The following CNTNAP2 variants were observed in gnomAD, a reference collection of about 807,000 sequenced individuals.
CNTNAP2 encodes contactin-associated protein-like 2.
CNTNAP2 carries 98 observed loss-of-function variants against 155.2 expected under a neutral mutation model. The ratio of observed to expected loss-of-function variants is 0.63; its 90% CI spans 0.54 to 0.75. The LOEUF (loss-of-function observed/expected upper bound fraction) is 0.75, where lower values mean the gene tolerates loss of function less well. Ranked by LOEUF, CNTNAP2 falls within the 30% of genes least tolerant of loss-of-function variation. The pLI is 0.00. For missense variants in CNTNAP2, 1,727 were observed against 1,688.1 expected (o/e 1.02, Z -0.40); for synonymous variants, 651 against 631.2 (o/e 1.03, Z -0.47).
At chr7:147,504,937 C>T (rs1044707944) in intron 11 of CNTNAP2, among the ~76,000 whole-genome samples, 4 of 151,966 alleles carry the variant, frequency 2.6e-5, no homozygotes, top group Non-Finnish European at 5.9e-5. Flanking sequence ...TGCACACACA[C>T]ATGCACACAC....
chr7:147,235,854 C>T (rs778223895), intron 8 of CNTNAP2, among the ~76,000 whole-genome samples: 6 of 152,206 alleles, frequency 3.9e-5, no homozygotes, highest in Non-Finnish European at 7.3e-5. Flanking sequence ...CGAGGGACTA[C>T]ATGCACATCT....
rs116332726 is a variant in CNTNAP2, at chr7:148,384,624, G to A, written c.3715+736G>A. Among the ~76,000 whole-genome samples the A allele has an allele frequency of 3.6e-3, 555 of 152,256 alleles. 1 individual carries two copies. Among genetic ancestry groups the A allele is most frequent in the African/African-American group, 0.013 (522 of 41,550 alleles). On this transcript the variant is annotated intron_variant, in intron 22 of 23. Transcript: ENST00000361727. Reference sequence around the variant, plus strand: ...TTTTTCACCCATAAGGTGAAGAAGGGGAGGGGAGTGTAACCTCTAAGTGAC... The same window carrying A: ...TTTTTCACCCATAAGGTGAAGAAGGAGAGGGGAGTGTAACCTCTAAGTGAC...
intron 3 of CNTNAP2, among the ~76,000 whole-genome samples, chr7:146,963,771 C>T (rs1333676261): frequency 1.3e-5 from 2 of 152,124 alleles, no homozygotes; most frequent in African/African-American, 4.8e-5. Flanking sequence ...CTTGTTATCA[C>T]TAAGCAATTA....
chr7:146,822,136 G>A (rs1417999708), intron 2 of CNTNAP2, among the ~76,000 whole-genome samples: 3 of 152,138 alleles, frequency 2.0e-5, no homozygotes, highest in Admixed American at 6.6e-5. Flanking sequence ...GGAATACTAT[G>A]CAGCCATAAA....
chr7:147,656,887 A>G (rs902398907), intron 13 of CNTNAP2, among the ~76,000 whole-genome samples: 3 of 152,228 alleles, frequency 2.0e-5, no homozygotes, highest in Admixed American at 1.3e-4. Flanking sequence ...ATGCCTGTGT[A>G]TATCTGAAGT....
chr7:148,321,401 T>G (rs557109054), intron 21 of CNTNAP2, among the ~76,000 whole-genome samples: 1 of 152,046 alleles, frequency 6.6e-6, no homozygotes, highest in African/African-American at 2.4e-5. Flanking sequence ...GGCTTGGGGG[T>G]GGACAGAGGC....
chr7:148,402,064 T>C (rs1022359643), intron 22 of CNTNAP2, among the ~76,000 whole-genome samples: 1 of 152,226 alleles, frequency 6.6e-6, no homozygotes, highest in African/African-American at 2.4e-5. Context: ...ATGGAATCAA[T>C]TGCCCACTCA....
intron 14 of CNTNAP2, among the ~76,000 whole-genome samples, chr7:147,937,238 G>T (rs1181123199): frequency 6.6e-6 from 1 of 152,124 alleles, no homozygotes; most frequent in Non-Finnish European, 1.5e-5. Context: ...GCTACTTTTA[G>T]AATTTATTTG....
intron 1 of CNTNAP2, among the ~76,000 whole-genome samples, chr7:146,215,789 G>T (rs1799103565): frequency 6.6e-6 from 1 of 152,128 alleles, no homozygotes; most frequent in African/African-American, 2.4e-5. Flanking sequence ...ATTGAATTCA[G>T]ACAAGGAAGG....
chr7:146,383,891 T>G (rs1422225472), intron 1 of CNTNAP2, among the ~76,000 whole-genome samples: 1 of 152,192 alleles, frequency 6.6e-6, no homozygotes, highest in Admixed American at 6.5e-5. Context: ...TGTGTTAGCC[T>G]CAGCAAGGTT....
At chr7:147,181,931 C>G (rs181446358) in intron 8 of CNTNAP2, among the ~76,000 whole-genome samples, 74 of 152,018 alleles carry the variant, frequency 4.9e-4, no homozygotes, top group African/African-American at 1.7e-3. Context: ...TCGAGACCAG[C>G]CTGACCAACA....
At chr7:146,798,444 C>T (rs556610402) in intron 2 of CNTNAP2, among the ~76,000 whole-genome samples, 20 of 152,208 alleles carry the variant, frequency 1.3e-4, no homozygotes, top group African/African-American at 4.6e-4. Context: ...TTGGCTCAAA[C>T]AATCCTCATG....
intron 1 of CNTNAP2, among the ~76,000 whole-genome samples, chr7:146,676,350 T>C (rs1284301285): frequency 1.3e-5 from 2 of 152,078 alleles, no homozygotes; most frequent in African/African-American, 4.8e-5. Flanking sequence ...TAATGGAGTG[T>C]TTATCTGGGC....
chr7:146,431,399 A>C (rs7785005), intron 1 of CNTNAP2, among the ~76,000 whole-genome samples: 5,184 of 152,116 alleles, frequency 0.034, 280 homozygotes, highest in African/African-American at 0.12. Context: ...CTGGTCCTGC[A>C]ACCTCCATTT....
intron 13 of CNTNAP2, among the ~76,000 whole-genome samples, chr7:147,823,243 A>G (rs1798389470): frequency 6.6e-6 from 1 of 152,192 alleles, no homozygotes; most frequent in African/African-American, 2.4e-5. Flanking sequence ...AGTTGCAGGA[A>G]ACCCAATTGT....
intron 1 of CNTNAP2, among the ~76,000 whole-genome samples, chr7:146,468,199 A>G (rs1316935587): frequency 6.6e-6 from 1 of 152,192 alleles, no homozygotes; most frequent in Non-Finnish European, 1.5e-5. Context: ...ATAACACAGT[A>G]TGATAAAGAC....
chr7:147,268,800 GT>G lies in CNTNAP2; in HGVS notation c.1349-31337del, dbSNP rs1172340003. Among the ~76,000 whole-genome samples, 12 of 152,084 alleles carry G rather than the reference GT, an allele frequency of 7.9e-5. No homozygotes were observed. In the East Asian group the frequency reaches 2.3e-3, roughly 29 times the overall value. On this transcript the variant is annotated intron_variant, in intron 8 of 23. Coordinates refer to ENST00000361727, the MANE Select transcript of CNTNAP2 (RefSeq NM_014141.6). Reference sequence around the variant, plus strand: ...ATTTTTGGAGAAGGATTGAGATTTTGTTTTCCTATTACACAGAAGAATCGAA... The same window carrying G: ...ATTTTTGGAGAAGGATTGAGATTTTGTTTCCTATTACACAGAAGAATCGAA...
chr7:148,160,523 C>T (rs1335514818), intron 17 of CNTNAP2, among the ~76,000 whole-genome samples: 1 of 151,834 alleles, frequency 6.6e-6, no homozygotes, highest in Admixed American at 6.6e-5. Context: ...TGTTTGTATC[C>T]TTTTGTTTAA....
intron 9 of CNTNAP2, among the ~76,000 whole-genome samples, chr7:147,332,503 T>G (rs1795589353): frequency 6.6e-6 from 1 of 151,982 alleles, no homozygotes; most frequent in African/African-American, 2.4e-5. Context: ...CAATCCAAAC[T>G]GTTTAGCAGG....
Sources: gnomAD v4.1 joint callset for allele counts (sites outside exome capture counted in the v4.1 genomes callset) on GRCh38, gnomAD v4.1.1 for gene constraint, MANE v1.5 for transcripts, NCBI Gene and HGNC (gene_info 2026-07-23, HGNC 2026-07-21) for gene names.